Variants in BTBD9 observed in about 807,000 individuals in gnomAD.
BTBD9 encodes the protein BTB/POZ domain-containing protein 9.
In BTBD9, 49 loss-of-function variants were observed where a neutral mutation model predicts 64.3. That is an observed-to-expected ratio of 0.76 (90% confidence interval 0.61 to 0.97). The LOEUF (loss-of-function observed/expected upper bound fraction) is 0.97. Among genes scored for constraint, BTBD9 ranks in the 50% least tolerant of loss-of-function variants. BTBD9 has a pLI of 0.00. For synonymous variants in BTBD9, 260 were observed against 274.7 expected (o/e 0.95, Z 0.53); for missense variants, 598 against 762.1 (o/e 0.78, Z 2.53).
At chr6:38,211,743 T>TA (rs34746816) in intron 9 of BTBD9, among the ~76,000 whole-genome samples, 111,904 of 150,798 alleles carry the variant, frequency 0.74, 41,669 homozygotes, top group East Asian at 0.96. Flanking sequence ...GATTCTGCCT[T>TA]AAAAAAAAAA....
At chr6:38,402,404 T>G (rs60239744) in intron 6 of BTBD9, among the ~76,000 whole-genome samples, 2,793 of 151,964 alleles carry the variant, frequency 0.018, 85 homozygotes, top group African/African-American at 0.063. Context: ...CCAAAAGAGT[T>G]AGAAGAATCA....
chr6:38,626,743 A>T (rs560822178), intron 1 of BTBD9, among the ~76,000 whole-genome samples: 2 of 152,358 alleles, frequency 1.3e-5, no homozygotes, highest in East Asian at 3.9e-4. Context: ...TCTTTGCTGC[A>T]ATCAAGCCTA....
At chr6:38,396,454 A>G (rs1766677683) in intron 6 of BTBD9, among the ~76,000 whole-genome samples, 1 of 152,236 alleles carries the variant, frequency 6.6e-6, no homozygotes, top group Non-Finnish European at 1.5e-5. Context: ...CGGTTGGAGG[A>G]AGTCAATGGG....
At chr6:38,463,210 G>C (rs185963351) in intron 6 of BTBD9, among the ~76,000 whole-genome samples, 1 of 152,196 alleles carries the variant, frequency 6.6e-6, no homozygotes, top group Admixed American at 6.5e-5. Flanking sequence ...AAATACAATT[G>C]ATTTTTGTAC....
At chr6:38,407,513 G>A (rs915959217) in intron 6 of BTBD9, among the ~76,000 whole-genome samples, 7 of 152,072 alleles carry the variant, frequency 4.6e-5, no homozygotes, top group African/African-American at 1.7e-4. Context: ...CTTCCTGTGT[G>A]CAACCTGCAG....
Position 38,480,173 on chromosome 6 carries a change from C to T in BTBD9, c.1154+97427G>A, listed in dbSNP as rs115894256. ...AGTGTACTCTTTGGAAACAGATAAA[C>T]GTAGCTCTGAAACCCTGCCTTGCTC... On this transcript the variant is annotated intron_variant, in intron 6 of 10. Transcript: ENST00000481247. 3.7e-3 allele frequency among the ~76,000 whole-genome samples: 570 copies of T among 152,282 alleles called. 6 individuals are homozygous for T. The highest frequency in any genetic ancestry group is 0.013 in the African/African-American group (521 of 41,572).
chr6:38,174,893 TG>T lies in BTBD9; in HGVS notation c.*91del. On this transcript the variant is annotated 3_prime_UTR_variant, in exon 11 of 11. Transcript: ENST00000481247. ...GCTCCTCCCTGGAAAGGGGCAGAGG[TG>T]GGGGCAGTCAACAGAGACCCCTGCT... is the stretch of plus-strand genomic sequence containing the variant. 1 of 1,463,828 alleles carries T rather than the reference TG, an allele frequency of 6.8e-7. No individual in the cohort carries two copies. The highest frequency in any genetic ancestry group is 9.3e-7 in the Non-Finnish European group (1 of 1,070,988). The allele number at this position is 1,463,828 out of a possible 1,614,324, so 90.7% of individuals were successfully genotyped here.
intron 6 of BTBD9, among the ~76,000 whole-genome samples, chr6:38,428,500 G>A (rs772558012): frequency 6.7e-6 from 1 of 150,372 alleles, no homozygotes; most frequent in South Asian, 2.1e-4. Context: ...CGAGTGATCC[G>A]TATTAAAGCA....
At chr6:38,595,685 C>A in intron 2 of BTBD9, 2 of 787,342 alleles carry the variant, frequency 2.5e-6, no homozygotes, top group Non-Finnish European at 3.1e-6. Context: ...CTTGTCCCAC[C>A]CTCCCCCAGG....
intron 6 of BTBD9, among the ~76,000 whole-genome samples, chr6:38,521,979 C>T (rs892010320): frequency 1.3e-5 from 2 of 152,116 alleles, no homozygotes; most frequent in African/African-American, 4.8e-5. Flanking sequence ...CCAGCCCCTC[C>T]TCTCTACTTC....
intron 6 of BTBD9, among the ~76,000 whole-genome samples, chr6:38,406,933 T>C (rs6903611): frequency 0.38 from 57,470 of 151,966 alleles, 13,243 homozygotes; most frequent in East Asian, 0.87. Flanking sequence ...GGAAGCTCAA[T>C]GACCAGTCTG....
intron 1 of BTBD9, among the ~76,000 whole-genome samples, chr6:38,635,236 A>G (rs931231991): frequency 6.6e-6 from 1 of 152,030 alleles, no homozygotes; most frequent in Non-Finnish European, 1.5e-5. Flanking sequence ...CCTGGGTTCA[A>G]GCGATTCTCT....
chr6:38,465,850 T>TTTC (rs1770360240), intron 6 of BTBD9, among the ~76,000 whole-genome samples: 1 of 141,640 alleles, frequency 7.1e-6, no homozygotes, highest in African/African-American at 2.6e-5. Context: ...TTTTTTTTTT[T>TTTC]GAGACAGTCT....
chr6:38,185,689 C>A (rs1157465789), intron 10 of BTBD9, among the ~76,000 whole-genome samples: 2 of 152,180 alleles, frequency 1.3e-5, no homozygotes, highest in African/African-American at 4.8e-5. Flanking sequence ...ACTGAGGAAA[C>A]CCCAATTCTG....
intron 4 of BTBD9, chr6:38,587,410 G>A: frequency 1.9e-6 from 1 of 514,586 alleles, no homozygotes. Context: ...TCATAATGAA[G>A]ATATTAATAT....
chr6:38,399,420 A>G (rs1200027623), intron 6 of BTBD9, among the ~76,000 whole-genome samples: 1 of 152,222 alleles, frequency 6.6e-6, no homozygotes, highest in Non-Finnish European at 1.5e-5. Context: ...TTTTCTACTC[A>G]TTGTATGAAT....
At chr6:38,462,343 T>C (rs1770133977) in intron 6 of BTBD9, among the ~76,000 whole-genome samples, 2 of 152,240 alleles carry the variant, frequency 1.3e-5, no homozygotes, top group South Asian at 2.1e-4. Context: ...TTTTTGTCTA[T>C]AATACAAGGA....
At chr6:38,569,989 C>A (rs1227089759) in intron 6 of BTBD9, among the ~76,000 whole-genome samples, 3 of 152,076 alleles carry the variant, frequency 2.0e-5, no homozygotes, top group Admixed American at 2.0e-4. Context: ...ATATTAGGTT[C>A]ACTCTATAAT....
intron 10 of BTBD9, among the ~76,000 whole-genome samples, chr6:38,177,032 C>T (rs1269226656): frequency 6.6e-6 from 1 of 152,184 alleles, no homozygotes; most frequent in African/African-American, 2.4e-5. Context: ...TTCCCACGCC[C>T]ACACGCAGGA....
Sources: allele counts gnomAD v4.1 joint callset (sites outside exome capture counted in the v4.1 genomes callset), GRCh38; gene constraint gnomAD v4.1.1; transcripts MANE v1.5; gene names NCBI Gene and HGNC (gene_info 2026-07-23, HGNC 2026-07-21).